Variants in GRIN2B observed in about 807,000 individuals in gnomAD.
GRIN2B encodes the protein glutamate ionotropic receptor NMDA type subunit 2B.
Under a neutral mutation model 114.5 loss-of-function variants are expected in GRIN2B, and 5 were observed. The observed-to-expected ratio is 0.04, with a 90% CI of 0.02 to 0.09. The LOEUF (loss-of-function observed/expected upper bound fraction) is 0.09, where lower values mean the gene tolerates loss of function less well. Ranked by LOEUF, GRIN2B falls within the 10% of genes least tolerant of loss-of-function variation. The probability of loss-of-function intolerance (pLI) is 1.00; values close to 1 mark genes in which losing one functional copy is unlikely to be tolerated. For missense variants in GRIN2B, 1,108 were observed against 1,943.5 expected (o/e 0.57, Z 8.08); for synonymous variants, 787 against 745.1 (o/e 1.06, Z -0.92).
intron 2 of GRIN2B, among the ~76,000 whole-genome samples, chr12:13,929,511 A>G (rs1384360412): frequency 1.3e-5 from 2 of 152,208 alleles, no homozygotes; most frequent in African/African-American, 2.4e-5. Context: ...ACGTTATGCT[A>G]AAGAAGATTT....
At chr12:13,834,283 C>T (rs1311190001) in intron 3 of GRIN2B, among the ~76,000 whole-genome samples, 1 of 150,604 alleles carries the variant, frequency 6.6e-6, no homozygotes, top group Non-Finnish European at 1.5e-5. Context: ...GTGATCCACC[C>T]TCCTCGGCCT....
chr12:13,768,515 G>C (rs1863842765), intron 3 of GRIN2B, among the ~76,000 whole-genome samples: 1 of 152,208 alleles, frequency 6.6e-6, no homozygotes. Context: ...TGGCTCAGAT[G>C]CAAGTGGAAA....
At chr12:13,603,632 A>G (rs1949196143) in intron 10 of GRIN2B, among the ~76,000 whole-genome samples, 1 of 151,794 alleles carries the variant, frequency 6.6e-6, no homozygotes, top group South Asian at 2.1e-4. Context: ...AATAACAATG[A>G]TAATCATTAT....
At chr12:13,978,389 T>C (rs559788788) in intron 2 of GRIN2B, among the ~76,000 whole-genome samples, 24 of 152,260 alleles carry the variant, frequency 1.6e-4, no homozygotes, top group South Asian at 1.5e-3. Context: ...GATTACACCA[T>C]GGTTACAAAG....
chr12:13,940,164 A>G (rs546770149), intron 2 of GRIN2B, among the ~76,000 whole-genome samples: 234 of 152,232 alleles, frequency 1.5e-3, no homozygotes, highest in Middle Eastern at 3.4e-3. Flanking sequence ...ATATTTTGCA[A>G]TAGGGCCTGC....
intron 4 of GRIN2B, among the ~76,000 whole-genome samples, chr12:13,688,349 T>G (rs1216126765): frequency 6.6e-6 from 1 of 152,146 alleles, no homozygotes; most frequent in African/African-American, 2.4e-5. Context: ...CCTGATGCCA[T>G]CACCATAAAG....
intron 2 of GRIN2B, among the ~76,000 whole-genome samples, chr12:13,901,228 C>T (rs1866446700): frequency 6.6e-6 from 1 of 152,048 alleles, no homozygotes; most frequent in Non-Finnish European, 1.5e-5. Flanking sequence ...TCCTTTGCTT[C>T]CTAATGAGGT....
chr12:13,793,190 T>C (rs1220790572), intron 3 of GRIN2B, among the ~76,000 whole-genome samples: 1 of 152,170 alleles, frequency 6.6e-6, no homozygotes, highest in Non-Finnish European at 1.5e-5. Context: ...GCAGATGGCA[T>C]GAGGCCAGGA....
intron 4 of GRIN2B, among the ~76,000 whole-genome samples, chr12:13,718,752 G>A (rs1283556543): frequency 1.3e-5 from 2 of 152,010 alleles, no homozygotes; most frequent in African/African-American, 4.8e-5. Flanking sequence ...CAAAGTTAAT[G>A]CACCACAGGG....
intron 10 of GRIN2B, among the ~76,000 whole-genome samples, chr12:13,583,757 G>C (rs1371869721): frequency 6.6e-6 from 1 of 152,094 alleles, no homozygotes; most frequent in African/African-American, 2.4e-5. Context: ...CATGAGAAAA[G>C]AAGCACTGGG....
chr12:13,821,179 C>T (rs1864929567), intron 3 of GRIN2B, among the ~76,000 whole-genome samples: 1 of 152,068 alleles, frequency 6.6e-6, no homozygotes, highest in African/African-American at 2.4e-5. Flanking sequence ...TACCCTAAAC[C>T]ACCTCCCAAC....
intron 5 of GRIN2B, among the ~76,000 whole-genome samples, chr12:13,618,911 G>C (rs1319788642): frequency 2.6e-5 from 4 of 152,030 alleles, no homozygotes; most frequent in African/African-American, 4.8e-5. Context: ...GAGTTTCTCA[G>C]ATACTATTGT....
chr12:13,901,646 C>T (rs1050463863), intron 2 of GRIN2B, among the ~76,000 whole-genome samples: 3 of 151,930 alleles, frequency 2.0e-5, no homozygotes, highest in South Asian at 2.1e-4. Flanking sequence ...TTGTCAGCTA[C>T]GTATCTTATA....
At chr12:13,920,766 C>T (rs1416484588) in intron 2 of GRIN2B, among the ~76,000 whole-genome samples, 1 of 152,206 alleles carries the variant, frequency 6.6e-6, no homozygotes, top group Non-Finnish European at 1.5e-5. Context: ...ACTTGCCTCA[C>T]TGTAGCCCTT....
intron 2 of GRIN2B, among the ~76,000 whole-genome samples, chr12:13,912,823 T>C (rs2136801714): frequency 6.6e-6 from 1 of 152,070 alleles, no homozygotes; most frequent in Middle Eastern, 3.4e-3. Context: ...CGCCTCCCAA[T>C]GGGAAAAACC....
At chr12:13,585,116 TAAAG>T (rs1420733743) in intron 10 of GRIN2B, among the ~76,000 whole-genome samples, 1 of 151,226 alleles carries the variant, frequency 6.6e-6, no homozygotes, top group East Asian at 1.9e-4. Context: ...TTGGAGGAGA[TAAAG>T]AAGATAAAGA....
intron 2 of GRIN2B, among the ~76,000 whole-genome samples, chr12:13,979,489 A>T (rs188123690): frequency 6.6e-6 from 1 of 151,130 alleles, no homozygotes; most frequent in East Asian, 2.0e-4. Context: ...GGAGACAGGG[A>T]GAGAGGCATG....
Position 13,744,136 on chromosome 12 carries a change from G to A in GRIN2B, c.1010+9181C>T, listed in dbSNP as rs146922596. Among the ~76,000 whole-genome samples, 23 of 152,240 alleles carry A rather than the reference G, an allele frequency of 1.5e-4. No homozygotes were observed. In the East Asian group the frequency reaches 3.1e-3, roughly 20 times the overall value. On this transcript the variant is annotated intron_variant, in intron 4 of 13. Transcript: ENST00000609686. ...ATATTTAGCGACCATCCTTACAGCC[G>A]TCAAGACTTTAACAATGGAATCAGA...
At chr12:13,982,060 C>A (rs1863151338), upstream of GRIN2B, 1 of 151,398 alleles carries the variant, frequency 6.6e-6, no homozygotes, top group Non-Finnish European at 1.5e-5. Flanking sequence ...TGCACCCCCT[C>A]ACTCCTCTTG....
Sources: allele counts gnomAD v4.1 joint callset (sites outside exome capture counted in the v4.1 genomes callset), GRCh38; gene constraint gnomAD v4.1.1; transcripts MANE v1.5; gene names NCBI Gene and HGNC (gene_info 2026-07-23, HGNC 2026-07-21).